The following PKP1 variants were observed in gnomAD, a reference collection of about 807,000 sequenced individuals.
PKP1 encodes plakophilin-1.
A neutral mutation model predicts 76.4 loss-of-function variants in PKP1; 27 were observed. That is an observed-to-expected ratio of 0.35 (90% CI 0.26 to 0.49). The LOEUF (loss-of-function observed/expected upper bound fraction) is 0.49, where lower values mean the gene tolerates loss of function less well. PKP1 is among the 20% of genes least tolerant of loss of function. The pLI, the probability that PKP1 is intolerant of heterozygous loss-of-function variation, is 0.99. For synonymous variants in PKP1, 404 were observed against 384.2 expected, an observed-to-expected ratio of 1.05 and a Z score of -0.60; for missense variants, 964 against 955.2, an observed-to-expected ratio of 1.01 and a Z score of -0.12.
intron 12 of PKP1, among the ~76,000 whole-genome samples, chr1:201,327,497 G>T (rs535568077): frequency 5.9e-5 from 9 of 152,314 alleles, no homozygotes; most frequent in African/African-American, 2.2e-4. Context: ...TTGGCAAATG[G>T]CAACTGCCAG....
chr1:201,316,105 CAGAT>C (rs1356255829), intron 3 of PKP1: 3 of 35,706 alleles, frequency 8.4e-5, no homozygotes, highest in South Asian at 1.5e-3. Flanking sequence ...GATGGATGGA[CAGAT>C]GGATGGACGG....
chr1:201,311,493 G>A (rs1772853), intron 2 of PKP1, among the ~76,000 whole-genome samples: 75,618 of 152,102 alleles, frequency 0.5, 22,824 homozygotes, highest in East Asian at 0.74. Flanking sequence ...CTGAGTTTTG[G>A]ATGCAACTTC....
At chr1:201,327,650 T>C (rs976824619) in intron 12 of PKP1, among the ~76,000 whole-genome samples, 1 of 151,462 alleles carries the variant, frequency 6.6e-6, no homozygotes, top group Non-Finnish European at 1.5e-5. Context: ...TCCACTGACA[T>C]CGCTCTCGGT....
Position 201,313,279 on chromosome 1 carries a change from A to G in PKP1, c.420A>G (p.Ala140=). Residue 140 remains alanine (A), a synonymous_variant, in exon 3 of 14, where the codon GCA becomes GCG. Coordinates refer to ENST00000367324, the MANE Select transcript of PKP1 (RefSeq NM_001005337.3). ...GGGGCAGCTGTAACACCACCGGCGCAGGCAGCGACATCTGCTTCATGCAGA... is the reference window on the plus strand; with the variant it reads ...GGGGCAGCTGTAACACCACCGGCGCGGGCAGCGACATCTGCTTCATGCAGA... The part of the protein sequence containing the change: ...YPRGSCNTTG[A]GSDICFMQKI... The G allele has an allele frequency of 1.9e-6, 3 of 1,603,680 alleles. No homozygotes were observed. The highest frequency in any genetic ancestry group is 2.6e-6 in the Non-Finnish European group (3 of 1,175,600).
rs760092395 is a variant in PKP1, at chr1:201,316,533, C to T, written c.702-20C>T. ...CTCCCAGCCCACCCCGTAACCACCC[C>T]CACTGCCTATTCTTCACAGGATCTG... On this transcript the variant is annotated intron_variant, in intron 3 of 13. Coordinates refer to ENST00000367324, the MANE Select transcript of PKP1 (RefSeq NM_001005337.3). 3 of 1,592,394 alleles carry T rather than the reference C, an allele frequency of 1.9e-6. No homozygotes were observed. The highest frequency in any genetic ancestry group is 2.6e-6 in the Non-Finnish European group (3 of 1,168,864).
chr1:201,294,605 C>A (rs1473124327), intron 2 of PKP1, among the ~76,000 whole-genome samples: 1 of 152,166 alleles, frequency 6.6e-6, no homozygotes, highest in Non-Finnish European at 1.5e-5. Flanking sequence ...GACTCAGCTT[C>A]TTCACATGGA....
chr1:201,326,237 T>G (rs570810103), intron 12 of PKP1, among the ~76,000 whole-genome samples: 2 of 152,376 alleles, frequency 1.3e-5, no homozygotes, highest in Admixed American at 1.3e-4. Context: ...GAGCTTGGAC[T>G]TGTACCTTTG....
In PKP1 at chr1:201,331,391, C is replaced by T. The variant is rs923677554; in HGVS notation, c.*1350C>T. ...TCGAGCCCCCAGACTCTGTGCACTT[C>T]AGACCAGCAGCAGCAGGAGGGCTCC... On this transcript the variant is annotated 3_prime_UTR_variant, in exon 14 of 14. Coordinates refer to ENST00000367324, the MANE Select transcript of PKP1 (RefSeq NM_001005337.3). 6.6e-6 allele frequency: 1 copy of T among 152,548 alleles called. No individual in the cohort carries two copies. The highest frequency in any genetic ancestry group is 1.5e-5 in the Non-Finnish European group (1 of 68,326). The allele number at this position is 152,548 out of a possible 1,614,324, so 9.4% of individuals were successfully genotyped here.
At chr1:201,321,861 C>T in intron 7 of PKP1, 117 bp from the exon 8 acceptor site, 2 of 1,172,760 alleles carry the variant, frequency 1.7e-6, no homozygotes, top group Non-Finnish European at 2.5e-6. Flanking sequence ...TGCCTGCGCT[C>T]ATCTTTCCCG....
chr1:201,284,619 G>A (rs1655674155), intron 1 of PKP1, among the ~76,000 whole-genome samples: 1 of 152,242 alleles, frequency 6.6e-6, no homozygotes, highest in African/African-American at 2.4e-5. Context: ...GGCCGCCCCA[G>A]GGCCAGTGGG....
chr1:201,326,576 G>A (rs1657133122), intron 12 of PKP1, among the ~76,000 whole-genome samples: 2 of 152,246 alleles, frequency 1.3e-5, no homozygotes, highest in Non-Finnish European at 2.9e-5. Context: ...GGAGACTATG[G>A]TTATATTCAT....
chr1:201,294,446 G>A (rs571512812), intron 2 of PKP1, among the ~76,000 whole-genome samples: 3 of 152,282 alleles, frequency 2.0e-5, no homozygotes, highest in Admixed American at 1.3e-4. Context: ...TGGTCAAAGA[G>A]CCAAGAGAAC....
chr1:201,286,835 GA>G (rs955260336), intron 1 of PKP1, among the ~76,000 whole-genome samples: 1 of 152,138 alleles, frequency 6.6e-6, no homozygotes, highest in African/African-American at 2.4e-5. Flanking sequence ...CCCAGCAAAA[GA>G]TCTTTGCCAG....
intron 11 of PKP1, 138 bp downstream of exon 11, chr1:201,325,265 T>C: frequency 1.1e-6 from 1 of 871,836 alleles, no homozygotes; most frequent in Admixed American, 1.9e-5. Context: ...GGGGGAGGCT[T>C]GAATGGAGGA....
intron 2 of PKP1, among the ~76,000 whole-genome samples, chr1:201,301,079 C>T (rs1044988673): frequency 2.6e-5 from 4 of 152,174 alleles, no homozygotes; most frequent in Admixed American, 6.5e-5. Context: ...TCCTCAGGGC[C>T]GAGTGAGCAC....
intron 4 of PKP1, 34 bp from the exon 5 acceptor site, chr1:201,317,538 T>C: frequency 1.3e-6 from 2 of 1,578,226 alleles, no homozygotes; most frequent in Non-Finnish European, 1.7e-6. Context: ...CTCATCTCCC[T>C]TGACCAGGCA....
intron 6 of PKP1, 81 bp downstream of exon 6, chr1:201,318,876 G>A: frequency 8.2e-7 from 1 of 1,223,322 alleles, no homozygotes; most frequent in Non-Finnish European, 1.2e-6. Flanking sequence ...CCAACATTCA[G>A]CCGGTGCATA....
chr1:201,283,783 G>C lies in PKP1; in HGVS notation c.81G>C (p.Ser27=). Residue 27 remains serine, a synonymous_variant, in exon 1 of 14, where the codon TCG becomes TCC. Transcript: ENST00000367324. ...ACAACTCCACGTTGGCTTTGCCGTC[G>C]GACCAAAAGATGAAAACAGGCACGT... ...DQDNSTLALP[S]DQKMKTGTSG... is the part of the protein sequence containing the mutation. The C allele has an allele frequency of 1.9e-6, 3 of 1,614,168 alleles. No homozygotes were observed. Among genetic ancestry groups the C allele is most frequent in the Non-Finnish European group, 2.5e-6 (3 of 1,180,012 alleles).
In PKP1 at chr1:201,313,450, G is replaced by T. The variant is rs767009885; in HGVS notation, c.591G>T (p.Lys197Asn). ...YSTCSGQKAI[K>N]KCPVRPPSCA... is the part of the protein sequence containing the mutation. Reference sequence around the variant, plus strand: ...CCTGCAGTGGTCAGAAGGCCATAAAGAAGTGCCCTGTGCGCCCGCCCTCTT... The same window carrying T: ...CCTGCAGTGGTCAGAAGGCCATAAATAAGTGCCCTGTGCGCCCGCCCTCTT... Residue 197 changes from lysine to asparagine, a missense_variant, in exon 3 of 14, where the codon AAG (lysine) becomes AAT (asparagine). Transcript: ENST00000367324. The T allele has an allele frequency of 1.2e-6, 2 of 1,608,302 alleles. No individual in the cohort carries two copies. Among genetic ancestry groups the T allele is most frequent in the Non-Finnish European group, 1.7e-6 (2 of 1,177,608 alleles).
Sources: allele counts gnomAD v4.1 joint callset (sites outside exome capture counted in the v4.1 genomes callset), GRCh38; gene constraint gnomAD v4.1.1; transcripts MANE v1.5; gene names NCBI Gene and HGNC (gene_info 2026-07-23, HGNC 2026-07-21).